The following SGPL1 variants were observed in gnomAD, a reference collection of about 807,000 sequenced individuals.
SGPL1 encodes the protein sphingosine-1-phosphate lyase 1.
Under a neutral mutation model 68.9 loss-of-function variants are expected in SGPL1, and 37 were observed. That is an observed-to-expected ratio of 0.54 (90% CI 0.41 to 0.71). The LOEUF (loss-of-function observed/expected upper bound fraction) is 0.71. Among genes scored for constraint, SGPL1 ranks in the 30% least tolerant of loss-of-function variants. The pLI is 0.00. For synonymous variants in SGPL1, 236 were observed against 248.5 expected, an observed-to-expected ratio of 0.95 and a Z score of 0.47; for missense variants, 551 against 704.6, an observed-to-expected ratio of 0.78 and a Z score of 2.47.
At position 70,877,112 on chromosome 10, in the gene SGPL1, G is replaced by A. The variant is rs550158782; in HGVS notation, c.1567-83G>A. 2.1e-6 allele frequency: 3 copies of A among 1,402,126 alleles called. No homozygotes were observed. In the African/African-American group the frequency reaches 4.2e-5, roughly 20 times the overall value. The allele number at this position is 1,402,126 out of a possible 1,614,324, so 86.9% of individuals were successfully genotyped here. On this transcript the variant is annotated intron_variant, in intron 14 of 14. Coordinates refer to ENST00000373202, the MANE Select transcript of SGPL1 (RefSeq NM_003901.4). ...AGTGCACATGCGAAGCTAGGACTCG[G>A]GGAGAAGGGGCTCATTGCTGCAGTT...
At chr10:70,830,283 T>C (rs1845510846) in intron 2 of SGPL1, among the ~76,000 whole-genome samples, 1 of 152,180 alleles carries the variant, frequency 6.6e-6, no homozygotes, top group Admixed American at 6.5e-5. Context: ...TTTTAGGACA[T>C]TTTCCAAAGA....
intron 12 of SGPL1, among the ~76,000 whole-genome samples, chr10:70,874,552 C>T (rs1435635634): frequency 1.3e-5 from 2 of 152,062 alleles, no homozygotes; most frequent in African/African-American, 2.4e-5. Flanking sequence ...GGGAGAACCC[C>T]GTCTCTACTA....
chr10:70,863,822 C>G (rs1483051542), intron 7 of SGPL1, among the ~76,000 whole-genome samples: 2 of 152,124 alleles, frequency 1.3e-5, no homozygotes, highest in Non-Finnish European at 2.9e-5. Context: ...GGATTTATTT[C>G]TTGTACACTG....
chr10:70,824,968 C>CT (rs33942248), intron 2 of SGPL1, among the ~76,000 whole-genome samples: 118,816 of 141,352 alleles, frequency 0.84, 50,000 homozygotes, highest in South Asian at 0.91. Context: ...TGTTTTTTCT[C>CT]TTTTTTTTTT....
At chr10:70,820,602 C>T (rs914749345) in intron 2 of SGPL1, 4 of 152,216 alleles carry the variant, frequency 2.6e-5, no homozygotes, top group African/African-American at 9.6e-5. Context: ...TGGCGAAACT[C>T]TGTCTCTACT....
intron 2 of SGPL1, among the ~76,000 whole-genome samples, chr10:70,830,469 GTTCA>G (rs1845515574): frequency 6.6e-6 from 1 of 152,114 alleles, no homozygotes; most frequent in Non-Finnish European, 1.5e-5. Context: ...TGGTTTCAAG[GTTCA>G]TCCATGTTGT....
chr10:70,864,681 A>C (rs555016713), intron 7 of SGPL1, among the ~76,000 whole-genome samples: 1 of 152,058 alleles, frequency 6.6e-6, no homozygotes, highest in South Asian at 2.1e-4. Context: ...TTTATTTTGC[A>C]TGCTACATAC....
intron 12 of SGPL1, among the ~76,000 whole-genome samples, chr10:70,873,947 T>G (rs1846341354): frequency 6.6e-6 from 1 of 152,220 alleles, no homozygotes; most frequent in African/African-American, 2.4e-5. Context: ...GAAGGACTTG[T>G]TAAAACACAG....
chr10:70,848,788 C>T (rs1241635449), intron 3 of SGPL1, among the ~76,000 whole-genome samples: 1 of 152,040 alleles, frequency 6.6e-6, no homozygotes, highest in East Asian at 1.9e-4. Flanking sequence ...ATGGTGAGAA[C>T]ACTTAAAATC....
intron 1 of SGPL1, among the ~76,000 whole-genome samples, chr10:70,816,601 A>G (rs1845235948): frequency 6.6e-6 from 1 of 152,114 alleles, no homozygotes; most frequent in Non-Finnish European, 1.5e-5. Context: ...GGTCTGGATT[A>G]GTTTCATCAG....
At chr10:70,823,365 C>G (rs534895138) in intron 2 of SGPL1, among the ~76,000 whole-genome samples, 5 of 152,046 alleles carry the variant, frequency 3.3e-5, no homozygotes, top group Admixed American at 2.6e-4. Context: ...ACAACCTTAA[C>G]TTTTATCCTA....
intron 2 of SGPL1, among the ~76,000 whole-genome samples, chr10:70,818,046 G>A (rs1845268442): frequency 1.3e-5 from 2 of 152,168 alleles, no homozygotes; most frequent in Non-Finnish European, 2.9e-5. Flanking sequence ...GAGAATTATG[G>A]AGAGTTTATA....
intron 2 of SGPL1, among the ~76,000 whole-genome samples, chr10:70,841,674 T>A (rs1845716122): frequency 6.6e-6 from 1 of 152,122 alleles, no homozygotes; most frequent in African/African-American, 2.4e-5. Context: ...AACATATGAA[T>A]TTTTGGGGGA....
In SGPL1 at chr10:70,871,496, C is replaced by T. The variant is rs183060699; in HGVS notation, c.910-341C>T. Among the ~76,000 whole-genome samples, 122 of 152,300 alleles carry T rather than the reference C, an allele frequency of 8.0e-4. 1 individual carries two copies. The highest frequency in any genetic ancestry group is 2.7e-3 in the African/African-American group (114 of 41,564). On this transcript the variant is annotated intron_variant, in intron 10 of 14. Coordinates refer to ENST00000373202, the MANE Select transcript of SGPL1 (RefSeq NM_003901.4). ...CCCCTCAGCGCCTCCCTTTCCCTCA[C>T]GCCTCATCCTGCAGTGACTGAGGCA... is the stretch of plus-strand genomic sequence containing the variant.
chr10:70,855,005 T>C (rs956819561), intron 5 of SGPL1, 150 bp downstream of exon 5: 13 of 619,568 alleles, frequency 2.1e-5, no homozygotes, highest in Non-Finnish European at 3.0e-5. Context: ...GAATTTCCTA[T>C]TTTTAAAATT....
intron 2 of SGPL1, among the ~76,000 whole-genome samples, chr10:70,832,726 T>A (rs1474937822): frequency 6.6e-6 from 1 of 152,228 alleles, no homozygotes; most frequent in Non-Finnish European, 1.5e-5. Context: ...CTCTGAGAGT[T>A]CATAGCAAAC....
At chr10:70,872,015 C>T in intron 11 of SGPL1, 29 bp downstream of exon 11, 1 of 1,595,268 alleles carries the variant, frequency 6.3e-7, no homozygotes, top group South Asian at 1.1e-5. Context: ...CAAGTGTTAC[C>T]AGTTGATTAT....
chr10:70,826,460 A>G (rs1185062235), intron 2 of SGPL1, among the ~76,000 whole-genome samples: 1 of 152,228 alleles, frequency 6.6e-6, no homozygotes, highest in Non-Finnish European at 1.5e-5. Flanking sequence ...ATGAAGAGGA[A>G]GAGGAAACGG....
intron 2 of SGPL1, among the ~76,000 whole-genome samples, chr10:70,821,500 A>G (rs1845337183): frequency 6.6e-6 from 1 of 152,180 alleles, no homozygotes; most frequent in Non-Finnish European, 1.5e-5. Context: ...TTGAGTGATA[A>G]TTGCTTATCT....
Sources: allele counts gnomAD v4.1 joint callset (sites outside exome capture counted in the v4.1 genomes callset), GRCh38; gene constraint gnomAD v4.1.1; transcripts MANE v1.5; gene names NCBI Gene and HGNC (gene_info 2026-07-23, HGNC 2026-07-21).